AGAP3: variants seen among roughly 807,000 people sequenced by gnomAD.
The protein encoded by AGAP3 is ArfGAP with GTPase domain, ankyrin repeat and PH domain 3, also known as arf-GAP with GTPase, ANK repeat and PH domain-containing protein 3.
AGAP3 carries 24 observed loss-of-function variants against 96.9 expected under a neutral mutation model. The ratio of observed to expected loss-of-function variants is 0.25; its 90% CI spans 0.18 to 0.35. AGAP3 has a LOEUF of 0.35. AGAP3 is among the 10% of genes least tolerant of loss of function. The pLI, the probability that AGAP3 is intolerant of heterozygous loss-of-function variation, is 1.00. For missense variants in AGAP3, 876 were observed against 1,254.2 expected, an observed-to-expected ratio of 0.70 and a Z score of 4.55; for synonymous variants, 563 against 536.1, an observed-to-expected ratio of 1.05 and a Z score of -0.69.
intron 1 of AGAP3, among the ~76,000 whole-genome samples, chr7:151,106,227 G>A (rs529647633): frequency 2.2e-4 from 34 of 152,180 alleles, no homozygotes; most frequent in African/African-American, 6.3e-4. Flanking sequence ...CTCTTCAAGC[G>A]GAAGAAAGAA....
At position 151,133,904 on chromosome 7, in the gene AGAP3, T is replaced by C. The variant is rs1159485683; in HGVS notation, c.1327-496T>C. On this transcript the variant is annotated intron_variant, in intron 10 of 17. Transcript: ENST00000397238. The surrounding 1 kb of genome is among the most constrained non-coding windows in gnomAD (Gnocchi z 5.4). ...GAATCAGAGGCTTCCTTTTAAACTG[T>C]TTGACAAGTGTTTATTATCAGACAC... 6.6e-6 allele frequency among the ~76,000 whole-genome samples: 1 copy of C among 152,174 alleles called. No homozygotes were observed. The highest frequency in any genetic ancestry group is 1.5e-5 in the Non-Finnish European group (1 of 68,004).
Position 151,142,515 on chromosome 7 carries a change from C to T in AGAP3, c.2154C>T (p.Asp718=). Reference sequence around the variant, plus strand: ...ACCTGTCCCGGGTGCGCTCCCTTGACCTCGATGACTGGCCGCCTGAGCTGC... The same window carrying T: ...ACCTGTCCCGGGTGCGCTCCCTTGATCTCGATGACTGGCCGCCTGAGCTGC... ...GAHLSRVRSL[D]LDDWPPELLA... is the part of the protein sequence containing the mutation. Residue 718 remains aspartate (D), a synonymous_variant, in exon 16 of 18, where the codon GAC becomes GAT. Coordinates refer to ENST00000397238, the MANE Select transcript of AGAP3 (RefSeq NM_031946.7). The surrounding 1 kb of genome is among the most constrained non-coding windows in gnomAD (Gnocchi z 7.5). 3 of 1,613,910 alleles carry T rather than the reference C, an allele frequency of 1.9e-6. No individual in the cohort carries two copies. The highest frequency in any genetic ancestry group is 1.6e-4 in the Middle Eastern group (1 of 6,062).
chr7:151,137,747 G>T (rs891232999), intron 11 of AGAP3: 1 of 222,238 alleles, frequency 4.5e-6, no homozygotes, highest in Non-Finnish European at 8.8e-6. Context: ...GTAAAGCTGA[G>T]GCGAAGCAAA....
intron 10 of AGAP3, among the ~76,000 whole-genome samples, chr7:151,129,229 A>G (rs1447407161): frequency 6.8e-6 from 1 of 147,332 alleles, no homozygotes; most frequent in East Asian, 2.0e-4. Flanking sequence ...CCCTCCCCTC[A>G]CCGCGTGGCT....
Position 151,115,526 on chromosome 7 carries a change from C to T in AGAP3, c.332-1267C>T, listed in dbSNP as rs958089445. 1.6e-5 allele frequency: 17 copies of T among 1,055,218 alleles called. No homozygotes were observed. In the Admixed American group the frequency reaches 3.3e-4, roughly 20 times the overall value. The allele number at this position is 1,055,218 out of a possible 1,614,324, so 65.4% of individuals were successfully genotyped here. A position where few individuals can be genotyped will look rare whatever the true frequency, so the allele number is the denominator to read the frequency against. ...CGGAGCCCGGCCGCCCCCGCACCGC[C>T]GCCGGCCTCTGGAGGCTGCTCACGA... On this transcript the variant is annotated intron_variant, in intron 1 of 17. Coordinates refer to ENST00000397238, the MANE Select transcript of AGAP3 (RefSeq NM_031946.7).
Position 151,118,257 on chromosome 7 carries a change from C to T in AGAP3, c.754C>T (p.Arg252Cys). 1.9e-6 allele frequency: 3 copies of T among 1,613,260 alleles called. No individual in the cohort carries two copies. The highest frequency in any genetic ancestry group is 2.5e-6 in the Non-Finnish European group (3 of 1,179,258). Reference protein sequence around the residue: ...NPRVIDDSRARKLSTDLKRCT... With the variant: ...NPRVIDDSRACKLSTDLKRCT... ...CCGGGTTATCGACGACAGCAGAGCCCGCAAGCTCTCCACAGATCTGAAGCG... is the reference window on the plus strand; with the variant it reads ...CCGGGTTATCGACGACAGCAGAGCCTGCAAGCTCTCCACAGATCTGAAGCG... Residue 252 changes from arginine to cysteine, a missense_variant, in exon 6 of 18, where the codon CGC becomes TGC. By Grantham distance (180) the Arg-to-Cys change is radical (BLOSUM62 -3). Transcript: ENST00000397238. This position sits in a 1 kb window ranked among gnomAD's most constrained non-coding sequence, Gnocchi z 6.1.
chr7:151,143,198 T>C lies in AGAP3; in HGVS notation c.2274-143T>C, dbSNP rs2150540164. 9.9e-7 allele frequency: 1 copy of C among 1,011,142 alleles called. No homozygotes were observed. The allele number at this position is 1,011,142 out of a possible 1,614,324, so 62.6% of individuals were successfully genotyped here. On this transcript the variant is annotated intron_variant, in intron 16 of 17. Transcript: ENST00000397238. This position sits in a 1 kb window ranked among gnomAD's most constrained non-coding sequence, Gnocchi z 5.9. The stretch of plus-strand genomic sequence containing the variant: ...CTGGAGTTTCCAAGGCTTCTCTCCT[T>C]CCTTTTTGCTCCATCTCATCTTCTC...
rs527748673 is a variant in AGAP3 at position 151,117,408 on chromosome 7, G to A, written c.516G>A (p.Gln172=). The part of the protein sequence containing the change: ...RFKKEIVVDG[Q]SYLLLIRDEG... ...AGAAGGAGATTGTGGTGGATGGCCAGAGTTACCTGCTGCTGATCCGAGATG... is the reference window on the plus strand; with the variant it reads ...AGAAGGAGATTGTGGTGGATGGCCAAAGTTACCTGCTGCTGATCCGAGATG... The change falls in exon 4 of 18, where the codon CAG becomes CAA. Residue 172 remains glutamine (Q), a synonymous_variant. Transcript: ENST00000397238. The A allele has an allele frequency of 4.3e-6, 7 of 1,614,216 alleles. No homozygotes were observed. In the South Asian group the frequency reaches 5.5e-5, roughly 13 times the overall value.
intron 1 of AGAP3, 166 bp from the exon 2 acceptor site, chr7:151,116,627 C>T: frequency 2.8e-6 from 2 of 709,706 alleles, no homozygotes; most frequent in Non-Finnish European, 5.0e-6. Context: ...AAGAACCTTC[C>T]CACTGCCTCC....
At position 151,096,298 on chromosome 7, in the gene AGAP3, T is replaced by C. The variant is rs1433100178; in HGVS notation, c.331+9226T>C. On this transcript the variant is annotated intron_variant, in intron 1 of 17. Transcript: ENST00000397238. This position sits in a 1 kb window ranked among gnomAD's most constrained non-coding sequence, Gnocchi z 4.4. ...CCAGGTGGCAGAGTGTGGGGTACGT[T>C]GGTTTAGCTCATCCAGGCCCAGGGG... 6.6e-6 allele frequency among the ~76,000 whole-genome samples: 1 copy of C among 152,042 alleles called. No individual in the cohort carries two copies. The highest frequency in any genetic ancestry group is 1.5e-5 in the Non-Finnish European group (1 of 68,010).
intron 1 of AGAP3, among the ~76,000 whole-genome samples, chr7:151,112,986 A>G (rs34581141): frequency 0.27 from 41,404 of 151,946 alleles, 5,907 homozygotes; most frequent in Middle Eastern, 0.36. Flanking sequence ...CGCCTGCCTC[A>G]GCCTCCCAAA....
At position 151,141,739 on chromosome 7, in the gene AGAP3, C is replaced by A. The variant is rs1800819681; in HGVS notation, c.1805-159C>A. ...CTTGCAGGTTTACTCTGGCCTCCCC[C>A]TGCAAGCTGTCCTGGAGTGTGTGGC... is the stretch of plus-strand genomic sequence containing the variant. On this transcript the variant is annotated intron_variant, in intron 13 of 17. Coordinates refer to ENST00000397238, the MANE Select transcript of AGAP3 (RefSeq NM_031946.7). The surrounding 1 kb of genome is among the most constrained non-coding windows in gnomAD (Gnocchi z 4.2). 2 of 845,530 alleles carry A rather than the reference C, an allele frequency of 2.4e-6. No homozygotes were observed. Among genetic ancestry groups the A allele is most frequent in the Non-Finnish European group, 3.7e-6 (2 of 533,898 alleles). The allele number at this position is 845,530 out of a possible 1,614,324, so 52.4% of individuals were successfully genotyped here.
chr7:151,097,974 C>T (rs1353648347), intron 1 of AGAP3, among the ~76,000 whole-genome samples: 7 of 152,192 alleles, frequency 4.6e-5, no homozygotes, highest in Admixed American at 2.0e-4. Context: ...CCAGCGCCTC[C>T]GCATGGGACT....
intron 1 of AGAP3, among the ~76,000 whole-genome samples, chr7:151,105,621 C>T (rs923394155): frequency 6.6e-5 from 10 of 151,572 alleles, no homozygotes; most frequent in Admixed American, 5.3e-4. Flanking sequence ...AAAAATTAGC[C>T]GGGCATAGCT....
At chr7:151,115,163 G>C in intron 1 of AGAP3, 1 of 1,040,260 alleles carries the variant, frequency 9.6e-7, no homozygotes, top group Non-Finnish European at 1.2e-6. Context: ...CTTTCCTGGA[G>C]GTGAACCGCC....
chr7:151,122,965 C>T lies in AGAP3; in HGVS notation c.1129-829C>T, dbSNP rs1312978846. 7.7e-6 allele frequency: 11 copies of T among 1,431,264 alleles called. No individual in the cohort carries two copies. The East Asian group carries it at 1.3e-4, about 17-fold the overall frequency. The allele number at this position is 1,431,264 out of a possible 1,614,324, so 88.7% of individuals were successfully genotyped here. ...AGGGAAGGCTAGGAGCGCCGGAGCCCGCGCTGGGGGCTGCCGGGGACCAGG... is the reference window on the plus strand; with the variant it reads ...AGGGAAGGCTAGGAGCGCCGGAGCCTGCGCTGGGGGCTGCCGGGGACCAGG... On this transcript the variant is annotated intron_variant, in intron 8 of 17. Coordinates refer to ENST00000397238, the MANE Select transcript of AGAP3 (RefSeq NM_031946.7).
chr7:151,122,624 C>CTG (rs1563490420), intron 8 of AGAP3: 1 of 1,416,752 alleles, frequency 7.1e-7, no homozygotes, highest in Non-Finnish European at 9.7e-7. Flanking sequence ...CCGCTGCCGC[C>CTG]GCTCCCCAGG....
At chr7:151,126,007 C>T (rs1022430564) in intron 9 of AGAP3, among the ~76,000 whole-genome samples, 3 of 129,820 alleles carry the variant, frequency 2.3e-5, no homozygotes, top group Non-Finnish European at 3.2e-5. Flanking sequence ...TGGGAAGAGG[C>T]ACGGGCTAGG....
chr7:151,138,792 A>G (rs756998456), intron 12 of AGAP3, among the ~76,000 whole-genome samples: 2 of 152,170 alleles, frequency 1.3e-5, no homozygotes, highest in African/African-American at 2.4e-5. Flanking sequence ...CGAAGGCAGC[A>G]GCATCTCGCC....
Sources: gnomAD v4.1 joint callset for allele counts (sites outside exome capture counted in the v4.1 genomes callset) on GRCh38, gnomAD v4.1.1 for gene constraint, Gnocchi (gnomAD v3.1) non-coding constraint, MANE v1.5 for transcripts, NCBI Gene and HGNC (gene_info 2026-07-23, HGNC 2026-07-21) for gene names.